The following PHF3 variants were observed in gnomAD, a reference collection of about 807,000 sequenced individuals.
PHF3 encodes the protein PHD finger protein 3.
In PHF3, 41 loss-of-function variants were observed where a neutral mutation model predicts 178.4. That is an observed-to-expected ratio of 0.23 (90% CI 0.18 to 0.30). The LOEUF (loss-of-function observed/expected upper bound fraction) is 0.30. Among genes scored for constraint, PHF3 ranks in the 10% least tolerant of loss-of-function variants. The pLI is 1.00. For synonymous variants in PHF3, 842 were observed against 800.5 expected (o/e 1.05, Z -0.88); for missense variants, 2,346 against 2,398.1 (o/e 0.98, Z 0.45).
At position 63,706,078 on chromosome 6, in the gene PHF3, T is replaced by A. The variant is rs147850869; in HGVS notation, c.3417T>A (p.Val1139=). The A allele has an allele frequency of 1.1e-4, 172 of 1,613,706 alleles. No homozygotes were observed. Among genetic ancestry groups the A allele is most frequent in the Non-Finnish European group, 1.4e-4 (166 of 1,179,916 alleles). Residue 1139 remains valine (V), a synonymous_variant, in exon 12 of 16, where the codon GTT becomes GTA. Transcript: ENST00000262043. The part of the protein sequence containing the change: ...VDDLSPKKVK[V]VVGVARKHSD... ...ATCTTTCTCCAAAAAAAGTAAAAGTTGTTGTAGGAGTAGCTCGCAAACATT... is the reference window on the plus strand; with the variant it reads ...ATCTTTCTCCAAAAAAAGTAAAAGTAGTTGTAGGAGTAGCTCGCAAACATT...
chr6:63,641,012 T>C (rs1764547707), intron 1 of PHF3, among the ~76,000 whole-genome samples: 1 of 152,252 alleles, frequency 6.6e-6, no homozygotes, highest in East Asian at 1.9e-4. Flanking sequence ...ATACAAAGCA[T>C]GTAGAACAAT....
chr6:63,678,937 A>C, intron 2 of PHF3: 1 of 397,528 alleles, frequency 2.5e-6, no homozygotes, highest in Non-Finnish European at 4.9e-6. Flanking sequence ...TGAAGATAAT[A>C]ACTAACATTT....
chr6:63,657,220 T>C (rs1018509298), intron 2 of PHF3, among the ~76,000 whole-genome samples: 2 of 152,262 alleles, frequency 1.3e-5, no homozygotes, highest in African/African-American at 4.8e-5. Flanking sequence ...ATTTTACTGT[T>C]GCTAAGAATT....
At chr6:63,639,601 C>T (rs555331734) in intron 1 of PHF3, among the ~76,000 whole-genome samples, 33 of 151,982 alleles carry the variant, frequency 2.2e-4, no homozygotes, top group East Asian at 5.8e-4. Context: ...AAAGTGTAGG[C>T]TCAGGAATCA....
chr6:63,705,943 C>A, intron 11 of PHF3, 86 bp from the exon 12 acceptor site: 1 of 999,420 alleles, frequency 1.0e-6, no homozygotes, highest in Non-Finnish European at 1.4e-6. Context: ...AATCATAGAA[C>A]CTGAATAACT....
chr6:63,666,755 C>CTT (rs1050386767), intron 2 of PHF3, among the ~76,000 whole-genome samples: 6 of 142,800 alleles, frequency 4.2e-5, no homozygotes, highest in Admixed American at 2.1e-4. Flanking sequence ...TGTCCCCCTC[C>CTT]TTTTTTTTTT....
rs796417270 is a variant in PHF3 at position 63,723,268 on chromosome 6, GC to G, written c.*9561del. ...CATTTTTAACTATAAGGAAAGAGAAGCAACATTATAAACTTTCAGATTAGGA... is the reference window on the plus strand; with the variant it reads ...CATTTTTAACTATAAGGAAAGAGAAGAACATTATAAACTTTCAGATTAGGA... On this transcript the variant is annotated 3_prime_UTR_variant, in exon 16 of 16. Transcript: ENST00000262043. Among the ~76,000 whole-genome samples the G allele has an allele frequency of 6.6e-6, 1 of 152,156 alleles. No homozygotes were observed. Among genetic ancestry groups the G allele is most frequent in the African/African-American group, 2.4e-5 (1 of 41,504 alleles).
chr6:63,639,285 G>A (rs1764477344), intron 1 of PHF3, among the ~76,000 whole-genome samples: 1 of 152,108 alleles, frequency 6.6e-6, no homozygotes, highest in African/African-American at 2.4e-5. Context: ...TATACAGAAA[G>A]GCTGAACTTT....
intron 2 of PHF3, among the ~76,000 whole-genome samples, chr6:63,657,041 T>C (rs1462985362): frequency 1.3e-5 from 2 of 152,236 alleles, no homozygotes; most frequent in Non-Finnish European, 2.9e-5. Context: ...GAGTGTGTTC[T>C]CTTCAAGTCT....
Position 63,684,118 on chromosome 6 carries a change from C to G in PHF3, c.407-11C>G. ...CTAAGTATTTTTATTTATTTTTTCC[C>G]CCTGTGATAGAACAAGTAAGAAGTT... On this transcript the variant is annotated splice_polypyrimidine_tract_variant and intron_variant, in intron 3 of 15. Transcript: ENST00000262043. 1 of 1,558,650 alleles carries G rather than the reference C, an allele frequency of 6.4e-7. No individual in the cohort carries two copies. Among genetic ancestry groups the G allele is most frequent in the Non-Finnish European group, 8.7e-7 (1 of 1,153,736 alleles).
Position 63,684,872 on chromosome 6 carries a change from G to A in PHF3, c.1150G>A (p.Ala384Thr), listed in dbSNP as rs746657831. ...GGAATTGAAGGATACCATGGGTATT[G>A]CTGATAAAACTGAGAACACCCTTGA... ...NLELKDTMGI[A>T]DKTENTLERN... Residue 384 changes from alanine to threonine, a missense_variant, in exon 4 of 16, where the codon GCT (alanine) becomes ACT (threonine). Ala to Thr is a moderately conservative substitution (Grantham distance 58). Transcript: ENST00000262043. The A allele has an allele frequency of 1.2e-6, 2 of 1,614,054 alleles. No homozygotes were observed. The highest frequency in any genetic ancestry group is 1.7e-5 in the Admixed American group (1 of 60,020).
rs1000446081 is a variant in PHF3 at position 63,713,881 on chromosome 6, T to C, written c.*173T>C. The stretch of plus-strand genomic sequence containing the variant: ...ACAGAGTGCTCTGTACCAGTGCTCA[T>C]CATCCCTTCTTCATACCAACGGTCC... On this transcript the variant is annotated 3_prime_UTR_variant, in exon 16 of 16. Transcript: ENST00000262043. 4.3e-6 allele frequency: 2 copies of C among 468,870 alleles called. No homozygotes were observed. The highest frequency in any genetic ancestry group is 3.7e-6 in the Non-Finnish European group (1 of 268,624). 29.0% of individuals were successfully genotyped at this position (468,870 alleles called of 1,614,324 possible). A position where few individuals can be genotyped will look rare whatever the true frequency, so the allele number is the denominator to read the frequency against.
intron 4 of PHF3, among the ~76,000 whole-genome samples, chr6:63,687,623 G>C (rs1325570339): frequency 6.6e-6 from 1 of 152,148 alleles, no homozygotes; most frequent in Non-Finnish European, 1.5e-5. Flanking sequence ...TGAAACTTTG[G>C]CATAGAGTTG....
chr6:63,674,238 A>G (rs978201400), intron 2 of PHF3, among the ~76,000 whole-genome samples: 5 of 42,890 alleles, frequency 1.2e-4, no homozygotes, highest in Non-Finnish European at 2.0e-4. Context: ...TAAATATTTT[A>G]TATTTTTGGA....
chr6:63,668,407 C>T (rs541852796), intron 2 of PHF3, among the ~76,000 whole-genome samples: 74 of 152,262 alleles, frequency 4.9e-4, no homozygotes, highest in Non-Finnish European at 9.0e-4. Flanking sequence ...GATCATGGCT[C>T]ACTACAGCCT....
chr6:63,668,602 A>C (rs1765777727), intron 2 of PHF3, among the ~76,000 whole-genome samples: 1 of 152,064 alleles, frequency 6.6e-6, no homozygotes, highest in African/African-American at 2.4e-5. Flanking sequence ...TCGGCTTCCT[A>C]AACCTGGGAT....
At position 63,711,899 on chromosome 6, in the gene PHF3, A is replaced by G. The variant is rs1394346767; in HGVS notation, c.4311A>G (p.Pro1437=). Reference sequence around the variant, plus strand: ...TGGAAGTCACCAAACAGGAGCCACCAAAACCTTTAAGATTTCTTCCTGGCG... The same window carrying G: ...TGGAAGTCACCAAACAGGAGCCACCGAAACCTTTAAGATTTCTTCCTGGCG... The part of the protein sequence containing the change: ...PLMEVTKQEP[P]KPLRFLPGVL... The change falls in exon 16 of 16, where the codon CCA becomes CCG. Residue 1437 remains proline (P), a synonymous_variant. Transcript: ENST00000262043. 3 of 1,613,906 alleles carry G rather than the reference A, an allele frequency of 1.9e-6. No individual in the cohort carries two copies. The highest frequency in any genetic ancestry group is 1.3e-5 in the African/African-American group (1 of 74,918).
chr6:63,674,587 G>A (rs577932397), intron 2 of PHF3, among the ~76,000 whole-genome samples: 68 of 152,004 alleles, frequency 4.5e-4, no homozygotes, highest in African/African-American at 1.6e-3. Flanking sequence ...TCTTACCAAC[G>A]GGTGGTCAAG....
chr6:63,694,611 T>A lies in PHF3; in HGVS notation c.2527T>A (p.Cys843Ser). Reference sequence around the variant, plus strand: ...TGGTGAAGGCAGAAATTCATCAGACTGTAGAGATAATGAAATTAAAAAATG... The same window carrying A: ...TGGTGAAGGCAGAAATTCATCAGACAGTAGAGATAATGAAATTAAAAAATG... ...ESGEGRNSSD[C>S]RDNEIKKWQL... Residue 843 changes from cysteine (C) to serine (S), a missense_variant, in exon 6 of 16, where the codon TGT (cysteine) becomes AGT (serine). Coordinates refer to ENST00000262043, the MANE Select transcript of PHF3 (RefSeq NM_001370348.2). The A allele has an allele frequency of 6.4e-7, 1 of 1,569,246 alleles. No individual in the cohort carries two copies. The highest frequency in any genetic ancestry group is 8.6e-7 in the Non-Finnish European group (1 of 1,156,300).
Sources: gnomAD v4.1 joint callset for allele counts (sites outside exome capture counted in the v4.1 genomes callset) on GRCh38, gnomAD v4.1.1 for gene constraint, MANE v1.5 for transcripts, NCBI Gene and HGNC (gene_info 2026-07-23, HGNC 2026-07-21) for gene names.